GAB2: variants seen among roughly 807,000 people sequenced by gnomAD.
GAB2 encodes GRB2 associated binding protein 2, also known as GRB2-associated-binding protein 2.
A neutral mutation model predicts 65.5 loss-of-function variants in GAB2; 26 were observed. That is an observed-to-expected ratio of 0.40 (90% CI 0.29 to 0.55). The LOEUF (loss-of-function observed/expected upper bound fraction) is 0.55, where lower values mean the gene tolerates loss of function less well. GAB2 is among the 20% of genes least tolerant of loss of function. GAB2 has a pLI of 0.53. For missense variants in GAB2, 884 were observed against 875.8 expected (o/e 1.01, Z -0.12); for synonymous variants, 321 against 329.6 (o/e 0.97, Z 0.28).
chr11:78,229,100 G>A (rs1864765676), intron 3 of GAB2, among the ~76,000 whole-genome samples: 1 of 152,198 alleles, frequency 6.6e-6, no homozygotes, highest in Admixed American at 6.5e-5. Context: ...AGTCAAGTAG[G>A]GGTGAGTATG....
At chr11:78,324,852 T>G (rs1214937824) in intron 1 of GAB2, 2 of 152,194 alleles carry the variant, frequency 1.3e-5, no homozygotes, top group African/African-American at 4.8e-5. Flanking sequence ...CATATTCACT[T>G]ATGGTTATGG....
At chr11:78,307,616 G>C (rs1491003129) in intron 1 of GAB2, among the ~76,000 whole-genome samples, 2 of 151,664 alleles carry the variant, frequency 1.3e-5, no homozygotes, top group South Asian at 2.1e-4. Context: ...GAGAGAGAGA[G>C]AGAGAGAGAG....
At chr11:78,413,129 A>C (rs879302616) in intron 1 of GAB2, among the ~76,000 whole-genome samples, 6 of 152,220 alleles carry the variant, frequency 3.9e-5, no homozygotes, top group Non-Finnish European at 7.3e-5. Context: ...GTTGACTGGG[A>C]AACATTCAAA....
At chr11:78,333,857 C>A (rs1484660775) in intron 1 of GAB2, among the ~76,000 whole-genome samples, 1 of 152,180 alleles carries the variant, frequency 6.6e-6, no homozygotes, top group Admixed American at 6.5e-5. Context: ...TTTCAGTCAT[C>A]ATAAGGATCC....
chr11:78,266,888 G>A (rs757727219), intron 2 of GAB2, among the ~76,000 whole-genome samples: 5 of 152,232 alleles, frequency 3.3e-5, no homozygotes, highest in South Asian at 4.1e-4. Context: ...CACTGAATAC[G>A]TGAACACAGA....
chr11:78,249,758 C>A (rs1865394993), intron 3 of GAB2, among the ~76,000 whole-genome samples: 1 of 152,084 alleles, frequency 6.6e-6, no homozygotes, highest in African/African-American at 2.4e-5. Context: ...CTATACAGAA[C>A]AGTGCAGTTC....
intron 1 of GAB2, among the ~76,000 whole-genome samples, chr11:78,344,569 G>A (rs2134695503): frequency 6.6e-6 from 1 of 152,274 alleles, no homozygotes; most frequent in Non-Finnish European, 1.5e-5. Flanking sequence ...ACTCAGCTAT[G>A]CTGTGAATAT....
At chr11:78,299,523 C>T (rs1023586195) in intron 1 of GAB2, among the ~76,000 whole-genome samples, 1 of 152,158 alleles carries the variant, frequency 6.6e-6, no homozygotes, top group Non-Finnish European at 1.5e-5. Flanking sequence ...CATCTGGAGT[C>T]CAGTACACAG....
chr11:78,360,097 T>A (rs1269666664), intron 1 of GAB2, among the ~76,000 whole-genome samples: 1 of 152,072 alleles, frequency 6.6e-6, no homozygotes, highest in Non-Finnish European at 1.5e-5. Context: ...GATGCAACCA[T>A]GAACCAAGGA....
intron 1 of GAB2, among the ~76,000 whole-genome samples, chr11:78,389,528 G>C (rs1001217000): frequency 6.6e-6 from 1 of 151,986 alleles, no homozygotes; most frequent in Non-Finnish European, 1.5e-5. Flanking sequence ...GACTGGTCTC[G>C]AACTCCCAAC....
chr11:78,293,466 G>C (rs1866736400), intron 1 of GAB2, among the ~76,000 whole-genome samples: 1 of 152,160 alleles, frequency 6.6e-6, no homozygotes, highest in Non-Finnish European at 1.5e-5. Flanking sequence ...CTCTCAGTCA[G>C]ATGATCTGTT....
rs147725931 is a variant in GAB2, at chr11:78,390,389, C to T, written c.75+27257G>A. ...TCACTTGAGCCCAGGAGTTTGAGAC[C>T]AGCCTGAGAAACATAGTGAGATCCC... On this transcript the variant is annotated intron_variant, in intron 1 of 9. Transcript: ENST00000361507. 4.5e-3 allele frequency among the ~76,000 whole-genome samples: 682 copies of T among 152,124 alleles called. 4 individuals carry two copies. The highest frequency in any genetic ancestry group is 0.016 in the African/African-American group (659 of 41,496).
intron 1 of GAB2, among the ~76,000 whole-genome samples, chr11:78,416,175 T>C (rs568539379): frequency 1.3e-4 from 20 of 152,322 alleles, no homozygotes; most frequent in South Asian, 6.2e-4. Flanking sequence ...TTTGGCTACA[T>C]AGACACTCCT....
intron 2 of GAB2, among the ~76,000 whole-genome samples, chr11:78,279,325 A>G (rs1866265774): frequency 1.3e-5 from 2 of 152,212 alleles, no homozygotes; most frequent in South Asian, 4.1e-4. Context: ...TGTTAAACGA[A>G]GTGCAAGACC....
chr11:78,317,166 A>G (rs184004347), intron 1 of GAB2, among the ~76,000 whole-genome samples: 5 of 152,346 alleles, frequency 3.3e-5, no homozygotes, highest in Admixed American at 2.0e-4. Flanking sequence ...TCTAATGGGT[A>G]TAGTTTCAGT....
At chr11:78,347,644 G>C (rs1239838669) in intron 1 of GAB2, among the ~76,000 whole-genome samples, 1 of 152,080 alleles carries the variant, frequency 6.6e-6, no homozygotes, top group Non-Finnish European at 1.5e-5. Flanking sequence ...ACTTGAACTG[G>C]ATTATAGACC....
intron 1 of GAB2, among the ~76,000 whole-genome samples, chr11:78,382,534 AAAT>A (rs977424259): frequency 6.6e-6 from 1 of 152,060 alleles, no homozygotes; most frequent in African/African-American, 2.4e-5. Context: ...TTCCTAGTGT[AAAT>A]AACAATAGGG....
chr11:78,239,261 C>G (rs1369492618), intron 3 of GAB2, among the ~76,000 whole-genome samples: 1 of 152,068 alleles, frequency 6.6e-6, no homozygotes, highest in African/African-American at 2.4e-5. Context: ...TGCTCTGTTG[C>G]CCAGGCTGGA....
rs989616598 is a variant in GAB2 at position 78,215,918 on chromosome 11, T to G, written c.*3354A>C. On this transcript the variant is annotated 3_prime_UTR_variant, in exon 10 of 10. Coordinates refer to ENST00000361507, the MANE Select transcript of GAB2 (RefSeq NM_080491.3). ...ATGGGAGAAGGGGCCAGAGGGAGGA[T>G]GAGCTGAGCCCATGCTCCAGTAACT... 3 of 152,640 alleles carry G rather than the reference T, an allele frequency of 2.0e-5. No homozygotes were observed. Among genetic ancestry groups the G allele is most frequent in the Admixed American group, 2.0e-4 (3 of 15,280 alleles). 9.5% of individuals were successfully genotyped at this position (152,640 alleles called of 1,614,324 possible). A position where few individuals can be genotyped will look rare whatever the true frequency, so the allele number is the denominator to read the frequency against.
Sources: allele counts gnomAD v4.1 joint callset (sites outside exome capture counted in the v4.1 genomes callset), GRCh38; gene constraint gnomAD v4.1.1; transcripts MANE v1.5; gene names NCBI Gene and HGNC (gene_info 2026-07-23, HGNC 2026-07-21).